MAGI2: variants seen among roughly 807,000 people sequenced by gnomAD.
The protein encoded by MAGI2 is membrane associated guanylate kinase, WW and PDZ domain containing 2, also known as membrane-associated guanylate kinase, WW and PDZ domain-containing protein 2.
Under a neutral mutation model 133.3 loss-of-function variants are expected in MAGI2, and 35 were observed. The observed-to-expected ratio is 0.26, with a 90% CI of 0.20 to 0.35. The LOEUF is 0.35. Among genes scored for constraint, MAGI2 ranks in the 10% least tolerant of loss-of-function variants. The pLI is 1.00. For synonymous variants in MAGI2, 729 were observed against 710.6 expected (o/e 1.03, Z -0.41); for missense variants, 1,636 against 1,863.4 (o/e 0.88, Z 2.25).
At chr7:79,256,668 T>A (rs1292940649) in intron 1 of MAGI2, among the ~76,000 whole-genome samples, 2 of 151,932 alleles carry the variant, frequency 1.3e-5, no homozygotes, top group African/African-American at 2.4e-5. Flanking sequence ...TTTTGTATTT[T>A]TGGTAGAGAC....
At chr7:79,413,598 G>A (rs1363603027) in intron 1 of MAGI2, 1 of 152,136 alleles carries the variant, frequency 6.6e-6, no homozygotes, top group Non-Finnish European at 1.5e-5. Context: ...AATGAGAAAA[G>A]AGCCAACTGC....
chr7:78,421,536 G>A lies in MAGI2; in HGVS notation c.1046-52323C>T, dbSNP rs549373089. ...ATGATAGACAACACAGAATTTGGTCGGGCATGCTGGCTCACGCCTATAATC... is the reference window on the plus strand; with the variant it reads ...ATGATAGACAACACAGAATTTGGTCAGGCATGCTGGCTCACGCCTATAATC... On this transcript the variant is annotated intron_variant, in intron 6 of 21. Coordinates refer to ENST00000354212, the MANE Select transcript of MAGI2 (RefSeq NM_012301.4). Among the ~76,000 whole-genome samples, 49 of 152,274 alleles carry A rather than the reference G, an allele frequency of 3.2e-4. 1 individual carries two copies. Among genetic ancestry groups the A allele is most frequent in the African/African-American group, 4.6e-4 (19 of 41,556 alleles).
At chr7:78,869,876 T>C (rs1014333858) in intron 2 of MAGI2, among the ~76,000 whole-genome samples, 6 of 152,168 alleles carry the variant, frequency 3.9e-5, no homozygotes, top group African/African-American at 1.4e-4. Context: ...TGTTTTTATT[T>C]GCTTTGTTGA....
intron 18 of MAGI2, among the ~76,000 whole-genome samples, chr7:78,130,959 G>A (rs1821499376): frequency 6.6e-6 from 1 of 152,188 alleles, no homozygotes; most frequent in Non-Finnish European, 1.5e-5. Context: ...TCCCCTCAGA[G>A]CTATAGCACA....
intron 1 of MAGI2, among the ~76,000 whole-genome samples, chr7:79,079,971 A>G (rs1815898302): frequency 6.6e-6 from 1 of 152,124 alleles, no homozygotes; most frequent in Admixed American, 6.6e-5. Context: ...GAAGGAGAAA[A>G]GAGTAAGAGA....
At chr7:79,304,072 C>T in intron 1 of MAGI2, among the ~76,000 whole-genome samples, 1 of 152,018 alleles carries the variant, frequency 6.6e-6, no homozygotes, top group Non-Finnish European at 1.5e-5. Context: ...CTTTTATTGA[C>T]ACCACCAGTT....
intron 2 of MAGI2, among the ~76,000 whole-genome samples, chr7:78,667,224 T>A (rs1025122423): frequency 2.6e-5 from 4 of 151,938 alleles, no homozygotes; most frequent in African/African-American, 4.8e-5. Flanking sequence ...ATGTTGTCCT[T>A]TTATGTCCAC....
chr7:79,021,099 T>C (rs1809283640), intron 1 of MAGI2, among the ~76,000 whole-genome samples: 1 of 152,148 alleles, frequency 6.6e-6, no homozygotes, highest in Admixed American at 6.5e-5. Context: ...TGCACAGAAG[T>C]CAAGAAATGA....
intron 6 of MAGI2, among the ~76,000 whole-genome samples, chr7:78,395,085 A>C (rs902945952): frequency 6.6e-6 from 1 of 152,218 alleles, no homozygotes; most frequent in Non-Finnish European, 1.5e-5. Context: ...ATTGAGAAAC[A>C]TTCTTGGCTT....
intron 20 of MAGI2, among the ~76,000 whole-genome samples, chr7:78,081,622 G>C (rs1815982547): frequency 6.6e-6 from 1 of 152,168 alleles, no homozygotes; most frequent in South Asian, 2.1e-4. Flanking sequence ...CATATGTAAA[G>C]GCTGCAAAGT....
At chr7:78,782,373 G>A (rs566461484) in intron 2 of MAGI2, among the ~76,000 whole-genome samples, 2 of 152,150 alleles carry the variant, frequency 1.3e-5, no homozygotes, top group Non-Finnish European at 2.9e-5. Flanking sequence ...ACCCACAGTA[G>A]GCCGAGAGTC....
intron 4 of MAGI2, among the ~76,000 whole-genome samples, chr7:78,516,675 A>AT (rs1381566198): frequency 1.3e-5 from 2 of 152,110 alleles, no homozygotes; most frequent in Non-Finnish European, 2.9e-5. Flanking sequence ...TGGTTCAGGA[A>AT]TTTTTACCTA....
In MAGI2 at chr7:78,019,938, G is replaced by T; in HGVS notation, c.3745C>A (p.Pro1249Thr). The T allele has an allele frequency of 6.2e-7, 1 of 1,609,318 alleles. No homozygotes were observed. The highest frequency in any genetic ancestry group is 8.5e-7 in the Non-Finnish European group (1 of 1,178,340). ...GAGACGCCTACTTCCGGCAGACCTG[G>T]GGCGGCGGCAGCGGGAGAACTCCAG... The part of the protein sequence containing the change: ...APWSSPAAAA[P>T]GLPEVGVSLD... The change falls in exon 22 of 22, where the codon CCA becomes ACA. Residue 1249 changes from proline (P) to threonine (T), a missense_variant. Pro to Thr is a conservative substitution (Grantham distance 38, BLOSUM62 -1). Around this residue, in one of 5 missense-constraint regions of MAGI2, gnomAD observed 354 missense variants for 298.7 expected, o/e 1.19. Transcript: ENST00000354212.
chr7:78,774,733 A>C (rs1351415336), intron 2 of MAGI2, among the ~76,000 whole-genome samples: 3 of 152,162 alleles, frequency 2.0e-5, no homozygotes, highest in African/African-American at 7.2e-5. Context: ...CATATCCAAT[A>C]CAGACACAAC....
chr7:79,184,076 G>A (rs1020385583), intron 1 of MAGI2, among the ~76,000 whole-genome samples: 4 of 151,748 alleles, frequency 2.6e-5, no homozygotes, highest in Non-Finnish European at 5.9e-5. Flanking sequence ...CTATTGCACA[G>A]CAAGGTAACC....
At chr7:79,295,820 A>G (rs11535245) in intron 1 of MAGI2, among the ~76,000 whole-genome samples, 83,961 of 151,816 alleles carry the variant, frequency 0.55, 25,787 homozygotes, top group Non-Finnish European at 0.68. Context: ...CAATTATTAG[A>G]TATATCATAA....
chr7:79,164,419 T>C (rs1023797969), intron 1 of MAGI2, among the ~76,000 whole-genome samples: 1 of 152,106 alleles, frequency 6.6e-6, no homozygotes, highest in African/African-American at 2.4e-5. Flanking sequence ...AATTTGTATC[T>C]GTAAAGAATC....
At chr7:78,130,678 G>A (rs1425010906) in intron 18 of MAGI2, among the ~76,000 whole-genome samples, 2 of 152,220 alleles carry the variant, frequency 1.3e-5, no homozygotes, top group Non-Finnish European at 2.9e-5. Flanking sequence ...GTTGGAGTGG[G>A]CACTTCCTGG....
chr7:79,151,917 CA>C (rs1823288647), intron 1 of MAGI2, among the ~76,000 whole-genome samples: 1 of 152,010 alleles, frequency 6.6e-6, no homozygotes, highest in Non-Finnish European at 1.5e-5. Context: ...TATGGTGTGA[CA>C]GTAGATTGTG....
Sources: allele counts gnomAD v4.1 joint callset (sites outside exome capture counted in the v4.1 genomes callset), GRCh38; gene constraint gnomAD v4.1.1; regional missense constraint gnomAD v4.1.1; transcripts MANE v1.5; gene names NCBI Gene and HGNC (gene_info 2026-07-23, HGNC 2026-07-21).